Variants in NUBPL observed in about 807,000 individuals in gnomAD.
NUBPL encodes the protein NUBP iron-sulfur cluster assembly factor, mitochondrial, also known as iron-sulfur cluster transfer protein NUBPL.
In NUBPL, 31 loss-of-function variants were observed where a neutral mutation model predicts 45.7. That is an observed-to-expected ratio of 0.68 (90% CI 0.51 to 0.92). NUBPL has a LOEUF of 0.92. NUBPL is among the 40% of genes least tolerant of loss of function. The probability of loss-of-function intolerance (pLI) is 0.00; values close to 1 mark genes in which losing one functional copy is unlikely to be tolerated. For missense variants in NUBPL, 401 were observed against 398.7 expected, an observed-to-expected ratio of 1.01 and a Z score of -0.05; for synonymous variants, 144 against 140.9, an observed-to-expected ratio of 1.02 and a Z score of -0.15.
At chr14:31,679,403 A>G (rs2036776555) in intron 6 of NUBPL, among the ~76,000 whole-genome samples, 1 of 152,056 alleles carries the variant, frequency 6.6e-6, no homozygotes, top group Non-Finnish European at 1.5e-5. Flanking sequence ...TTATGTTCTC[A>G]AAGCTTTATA....
At chr14:31,735,002 C>A (rs952372763) in intron 6 of NUBPL, among the ~76,000 whole-genome samples, 1 of 151,892 alleles carries the variant, frequency 6.6e-6, no homozygotes, top group Non-Finnish European at 1.5e-5. Context: ...ACATTTTGGA[C>A]CAGATAATCC....
intron 6 of NUBPL, among the ~76,000 whole-genome samples, chr14:31,755,379 A>G (rs908290116): frequency 3.4e-4 from 52 of 152,294 alleles, no homozygotes; most frequent in African/African-American, 1.2e-3. Context: ...TGACTTTTCA[A>G]TGATCACCAT....
chr14:31,650,569 G>A lies in NUBPL; in HGVS notation c.383-22786G>A, dbSNP rs532798055. On this transcript the variant is annotated intron_variant, in intron 4 of 10. Coordinates refer to ENST00000281081, the MANE Select transcript of NUBPL (RefSeq NM_025152.3). The stretch of plus-strand genomic sequence containing the variant: ...CTCCCAAAGTGTTGGGATTACAGGC[G>A]TTAGTCACCGCACCTGGCCCCAGGA... Among the ~76,000 whole-genome samples, 23 of 152,240 alleles carry A rather than the reference G, an allele frequency of 1.5e-4. No individual in the cohort carries two copies. In the South Asian group the frequency reaches 4.1e-3, roughly 27 times the overall value.
chr14:31,827,597 G>T (rs959438926), intron 8 of NUBPL, among the ~76,000 whole-genome samples: 24 of 152,264 alleles, frequency 1.6e-4, no homozygotes, highest in African/African-American at 5.8e-4. Context: ...TGGCTGGCTA[G>T]CTAGTGGCCT....
At chr14:31,801,409 G>T (rs80237938) in intron 7 of NUBPL, among the ~76,000 whole-genome samples, 2,116 of 152,230 alleles carry the variant, frequency 0.014, 43 homozygotes, top group African/African-American at 0.037. Flanking sequence ...CTCCTTCATG[G>T]TTATAATTGT....
intron 4 of NUBPL, among the ~76,000 whole-genome samples, chr14:31,648,670 C>G (rs2035920069): frequency 6.6e-6 from 1 of 152,162 alleles, no homozygotes; most frequent in South Asian, 2.1e-4. Context: ...TATACATTAA[C>G]TATGATCACA....
At chr14:31,675,926 GTTTCA>G (rs1053397762) in intron 6 of NUBPL, among the ~76,000 whole-genome samples, 1 of 151,852 alleles carries the variant, frequency 6.6e-6, no homozygotes. Context: ...GTCCCCTTCT[GTTTCA>G]TCCCATACCC....
intron 8 of NUBPL, among the ~76,000 whole-genome samples, chr14:31,827,376 A>G (rs1485089507): frequency 1.3e-5 from 2 of 151,512 alleles, no homozygotes; most frequent in Non-Finnish European, 2.9e-5. Flanking sequence ...CTGGATGCTC[A>G]AAAGAGACAG....
intron 4 of NUBPL, among the ~76,000 whole-genome samples, chr14:31,615,139 G>A (rs2034864062): frequency 6.6e-6 from 1 of 152,064 alleles, no homozygotes; most frequent in East Asian, 1.9e-4. Flanking sequence ...TAGTGAGTGA[G>A]TTCTCATTAG....
chr14:31,655,930 A>T (rs1326261428), intron 4 of NUBPL, among the ~76,000 whole-genome samples: 1 of 152,186 alleles, frequency 6.6e-6, no homozygotes, highest in Non-Finnish European at 1.5e-5. Flanking sequence ...TTTTTCCCCT[A>T]GCTGTGAAAG....
chr14:31,596,799 C>T (rs2034295942), intron 3 of NUBPL, among the ~76,000 whole-genome samples: 1 of 152,160 alleles, frequency 6.6e-6, no homozygotes, highest in African/African-American at 2.4e-5. Context: ...CTGGCTTTCT[C>T]ATTCATGAGT....
chr14:31,815,863 C>G (rs960706069), intron 7 of NUBPL, among the ~76,000 whole-genome samples: 2 of 152,160 alleles, frequency 1.3e-5, no homozygotes, highest in African/African-American at 4.8e-5. Flanking sequence ...ATTTAACCAG[C>G]CTTGCATGCC....
intron 6 of NUBPL, among the ~76,000 whole-genome samples, chr14:31,739,012 T>C (rs2038219711): frequency 6.8e-6 from 1 of 147,574 alleles, no homozygotes; most frequent in Non-Finnish European, 1.5e-5. Context: ...AGTTTTTTAT[T>C]TGTTTGTTTG....
At position 31,638,602 on chromosome 14, in the gene NUBPL, G is replaced by A. The variant is rs1004990634; in HGVS notation, c.383-34753G>A. On this transcript the variant is annotated intron_variant, in intron 4 of 10. Transcript: ENST00000281081. ...TCTTCTCGAGGAGTATCTTTGTGGC[G>A]TTCTCTGTATTTCCTGAATGTGAAT... 1.8e-4 allele frequency among the ~76,000 whole-genome samples: 28 copies of A among 152,018 alleles called. 1 individual carries two copies. The highest frequency in any genetic ancestry group is 5.5e-4 in the African/African-American group (23 of 41,456).
At chr14:31,793,452 A>T (rs544141624) in intron 7 of NUBPL, among the ~76,000 whole-genome samples, 33 of 152,314 alleles carry the variant, frequency 2.2e-4, no homozygotes, top group African/African-American at 7.2e-4. Context: ...TATTTGGATT[A>T]TTCCTATAGC....
chr14:31,774,035 C>G (rs956405146), intron 6 of NUBPL, among the ~76,000 whole-genome samples: 1 of 152,184 alleles, frequency 6.6e-6, no homozygotes, highest in Non-Finnish European at 1.5e-5. Flanking sequence ...TTCATGATTT[C>G]TCTATTTGTT....
chr14:31,751,118 A>G (rs1199467319), intron 6 of NUBPL, among the ~76,000 whole-genome samples: 1 of 152,212 alleles, frequency 6.6e-6, no homozygotes, highest in Admixed American at 6.5e-5. Context: ...CTCCCTTGAC[A>G]GGTGGGGATT....
At chr14:31,698,946 C>A (rs2037274532) in intron 6 of NUBPL, among the ~76,000 whole-genome samples, 1 of 152,012 alleles carries the variant, frequency 6.6e-6, no homozygotes, top group Non-Finnish European at 1.5e-5. Context: ...CCTCCGCCTC[C>A]TGGGTTCAAG....
chr14:31,652,200 A>G (rs2036025528), intron 4 of NUBPL, among the ~76,000 whole-genome samples: 1 of 152,098 alleles, frequency 6.6e-6, no homozygotes, highest in African/African-American at 2.4e-5. Context: ...AGGCATAGAA[A>G]GACAAATATC....
Sources: allele counts gnomAD v4.1 joint callset (sites outside exome capture counted in the v4.1 genomes callset), GRCh38; gene constraint gnomAD v4.1.1; transcripts MANE v1.5; gene names NCBI Gene and HGNC (gene_info 2026-07-23, HGNC 2026-07-21).